Variants in ST6GALNAC2 observed in about 807,000 individuals in gnomAD.
The protein encoded by ST6GALNAC2 is alpha-N-acetylgalactosaminide alpha-2,6-sialyltransferase 2.
In ST6GALNAC2, 42 loss-of-function variants were observed where a neutral mutation model predicts 38.7. The observed-to-expected ratio is 1.09, with a 90% CI of 0.85 to 1.40. The LOEUF is 1.40. Among genes scored for constraint, ST6GALNAC2 ranks in the 40% most tolerant of loss-of-function variants. ST6GALNAC2 has a pLI of 0.00. For synonymous variants in ST6GALNAC2, 233 were observed against 209.0 expected, an observed-to-expected ratio of 1.11 and a Z score of -0.99; for missense variants, 506 against 481.7, an observed-to-expected ratio of 1.05 and a Z score of -0.47.
chr17:76,566,311 T>C, intron 8 of ST6GALNAC2, 40 bp from the exon 9 acceptor site: 1 of 1,606,568 alleles, frequency 6.2e-7, no homozygotes, highest in Non-Finnish European at 8.5e-7. Context: ...TTGTTGAGCG[T>C]CTAGTGTGTA....
At chr17:76,570,227 G>C (rs1282340504) in intron 6 of ST6GALNAC2, 3 of 271,048 alleles carry the variant, frequency 1.1e-5, no homozygotes, top group African/African-American at 6.6e-5. Flanking sequence ...CGGAGCCGCT[G>C]GCGGCTGGGC....
In ST6GALNAC2 at chr17:76,572,554, G is replaced by A. The variant is rs1032699472; in HGVS notation, c.669+83C>T. ...CAGCATCCACTGGACCAGGGTGTGT[G>A]AGCCCTGTGGCCCCCACTGAGGGGA... On this transcript the variant is annotated intron_variant, in intron 5 of 8. Coordinates refer to ENST00000225276, the MANE Select transcript of ST6GALNAC2 (RefSeq NM_006456.3). The A allele has an allele frequency of 5.2e-6, 8 of 1,526,112 alleles. No individual in the cohort carries two copies. The Admixed American group carries it at 6.9e-5, about 13-fold the overall frequency. The allele number at this position is 1,526,112 out of a possible 1,614,324, so 94.5% of individuals were successfully genotyped here.
chr17:76,566,143 G>T lies in ST6GALNAC2; in HGVS notation c.1086C>A (p.Asp362Glu). 1 of 1,614,136 alleles carries T rather than the reference G, an allele frequency of 6.2e-7. No homozygotes were observed. Among genetic ancestry groups the T allele is most frequent in the South Asian group, 1.1e-5 (1 of 91,082 alleles). Residue 362 changes from aspartate (D) to glutamate (E), a missense_variant, in exon 9 of 9, where the codon GAC (aspartate) becomes GAA (glutamate). Physicochemically the swap from Asp to Glu is conservative, Grantham distance 45. Transcript: ENST00000225276. ...GCTGAAGGATGCCGGCCTTGTGCAG[G>T]TCCCTCCACAGGGCAGCTTCCAGGG... Reference protein sequence around the residue: ...DLSLEAALWRDLHKAGILQLY... With the variant: ...DLSLEAALWRELHKAGILQLY...
chr17:76,582,338 A>ATTTTTTTTT (rs71158026), intron 1 of ST6GALNAC2, among the ~76,000 whole-genome samples: 32 of 115,344 alleles, frequency 2.8e-4, no homozygotes, highest in African/African-American at 8.4e-4. Flanking sequence ...ATGCCTGGCT[A>ATTTTTTTTT]TTTTTTTTTT....
At chr17:76,568,438 C>T (rs893985163) in intron 7 of ST6GALNAC2, 6 of 451,392 alleles carry the variant, frequency 1.3e-5, no homozygotes, top group African/African-American at 1.2e-4. Flanking sequence ...CCTTATGGTC[C>T]CAGCTCCCAG....
intron 6 of ST6GALNAC2, 37 bp from the exon 7 acceptor site, chr17:76,568,833 G>A (rs1213325707): frequency 1.9e-6 from 3 of 1,606,234 alleles, no homozygotes; most frequent in South Asian, 2.2e-5. Context: ...AGCGCCCAGA[G>A]CCGTCGTATT....
intron 1 of ST6GALNAC2, among the ~76,000 whole-genome samples, chr17:76,579,969 A>G (rs566229506): frequency 4.6e-5 from 7 of 152,350 alleles, no homozygotes; most frequent in African/African-American, 1.4e-4. Flanking sequence ...CTGGGTTTGC[A>G]ACCTGTCTCC....
At chr17:76,575,674 CCA>C (rs1214090844) in intron 2 of ST6GALNAC2, among the ~76,000 whole-genome samples, 2 of 152,024 alleles carry the variant, frequency 1.3e-5, no homozygotes, top group African/African-American at 4.8e-5. Context: ...GTTCCAGCAG[CCA>C]CGGGGAAGGA....
intron 7 of ST6GALNAC2, 37 bp from the exon 8 acceptor site, chr17:76,567,589 G>T: frequency 1.5e-6 from 2 of 1,377,766 alleles, no homozygotes; most frequent in South Asian, 1.2e-5. Context: ...TCACTAGCTT[G>T]ATGGCTATCA....
intron 8 of ST6GALNAC2, among the ~76,000 whole-genome samples, chr17:76,567,225 G>C (rs1174877518): frequency 6.6e-6 from 1 of 152,120 alleles, no homozygotes; most frequent in Non-Finnish European, 1.5e-5. Flanking sequence ...AGGCAAGCCT[G>C]AGGCAGGTGT....
intron 7 of ST6GALNAC2, chr17:76,567,953 G>A (rs1479198916): frequency 5.0e-6 from 1 of 199,068 alleles, no homozygotes; most frequent in Non-Finnish European, 1.0e-5. Context: ...CAAGAGTGAG[G>A]CCAGGGTGTG....
chr17:76,567,361 C>A, intron 8 of ST6GALNAC2, 92 bp downstream of exon 8: 1 of 912,468 alleles, frequency 1.1e-6, no homozygotes, highest in South Asian at 1.4e-5. Flanking sequence ...CCAAGAGTCC[C>A]AGCTCCGAGG....
intron 7 of ST6GALNAC2, 94 bp from the exon 8 acceptor site, chr17:76,567,646 A>G: frequency 1.2e-6 from 1 of 800,256 alleles, no homozygotes; most frequent in Non-Finnish European, 2.1e-6. Flanking sequence ...AACTTCAAAA[A>G]CTGAGGGCCT....
At chr17:76,571,036 G>A (rs1010456582) in intron 5 of ST6GALNAC2, 6 of 184,720 alleles carry the variant, frequency 3.2e-5, no homozygotes, top group South Asian at 1.1e-4. Context: ...CTGCCATGTC[G>A]TGAGGACACT....
In ST6GALNAC2 at chr17:76,573,221, G is replaced by A; in HGVS notation, c.504C>T (p.Asn168=). The part of the protein sequence containing the change: ...GILNGSRQGP[N]IDAHDYVFRL... ...TGAATACATAGTCATGGGCATCGAT[G>A]TTGGGACCCTGGCGGGACCCATTCA... The change falls in exon 4 of 9, where the codon AAC becomes AAT. Residue 168 remains asparagine, a synonymous_variant. Coordinates refer to ENST00000225276, the MANE Select transcript of ST6GALNAC2 (RefSeq NM_006456.3). The surrounding 1 kb of genome is among the most constrained non-coding windows in gnomAD (Gnocchi z 5.1). 1 of 1,613,324 alleles carries A rather than the reference G, an allele frequency of 6.2e-7. No individual in the cohort carries two copies.
Position 76,570,633 on chromosome 17 carries a change from G to T in ST6GALNAC2, c.705C>A (p.Arg235=), listed in dbSNP as rs141795987. ...TGGCCGATCTCAGCATCACATAGTCGCGGATGTCTGAGGGGATGAAGATAT... is the reference window on the plus strand; with the variant it reads ...TGGCCGATCTCAGCATCACATAGTCTCGGATGTCTGAGGGGATGAAGATAT... ...LQYIFIPSDI[R]DYVMLRSAIL... The change falls in exon 6 of 9, where the codon CGC becomes CGA. Residue 235 remains arginine (R), a synonymous_variant. Transcript: ENST00000225276. The T allele has an allele frequency of 1.2e-6, 2 of 1,613,120 alleles. No individual in the cohort carries two copies. The highest frequency in any genetic ancestry group is 1.7e-6 in the Non-Finnish European group (2 of 1,179,742).
At chr17:76,581,671 G>A (rs1037003655) in intron 1 of ST6GALNAC2, among the ~76,000 whole-genome samples, 5 of 152,178 alleles carry the variant, frequency 3.3e-5, no homozygotes, top group South Asian at 2.1e-4. Flanking sequence ...TCCCAGCCCC[G>A]CTCCTACTGA....
rs543558556 is a variant in ST6GALNAC2 at position 76,578,825 on chromosome 17, A to G, written c.126-9T>C. 69 of 1,612,230 alleles carry G rather than the reference A, an allele frequency of 4.3e-5. No homozygotes were observed. In the South Asian group the frequency reaches 7.3e-4, roughly 17 times the overall value. ...CAAATGATGTGGTGTCCCTGGGGGA[A>G]AAAGCAGAAAAAAGCAGGGGTCAGC... On this transcript the variant is annotated splice_polypyrimidine_tract_variant and intron_variant, in intron 1 of 8. Coordinates refer to ENST00000225276, the MANE Select transcript of ST6GALNAC2 (RefSeq NM_006456.3).
intron 1 of ST6GALNAC2, among the ~76,000 whole-genome samples, chr17:76,585,241 G>T (rs929498743): frequency 1.2e-4 from 18 of 152,216 alleles, no homozygotes; most frequent in African/African-American, 4.3e-4. Context: ...CCCGACGGAG[G>T]GTCCCCGCGA....
Sources: gnomAD v4.1 joint callset for allele counts (sites outside exome capture counted in the v4.1 genomes callset) on GRCh38, gnomAD v4.1.1 for gene constraint, Gnocchi (gnomAD v3.1) non-coding constraint, MANE v1.5 for transcripts, NCBI Gene and HGNC (gene_info 2026-07-23, HGNC 2026-07-21) for gene names.